ANKS1B: variants seen among roughly 807,000 people sequenced by gnomAD.
The protein encoded by ANKS1B is ankyrin repeat and sterile alpha motif domain containing 1B.
Under a neutral mutation model 148.3 loss-of-function variants are expected in ANKS1B, and 36 were observed. That is an observed-to-expected ratio of 0.24 (90% confidence interval 0.19 to 0.32). The LOEUF is 0.32. ANKS1B is among the 10% of genes least tolerant of loss of function. ANKS1B has a pLI of 1.00. For missense variants in ANKS1B, 1,157 were observed against 1,542.6 expected (o/e 0.75, Z 4.19); for synonymous variants, 542 against 560.8 (o/e 0.97, Z 0.47).
chr12:99,583,487 T>C (rs73383736), intron 9 of ANKS1B, among the ~76,000 whole-genome samples: 1,566 of 152,326 alleles, frequency 0.01, 29 homozygotes, highest in African/African-American at 0.036. Flanking sequence ...TTATACCTAT[T>C]TTTCTTTATA....
chr12:99,432,172 C>A (rs2095386312), intron 11 of ANKS1B, among the ~76,000 whole-genome samples: 1 of 152,162 alleles, frequency 6.6e-6, no homozygotes, highest in South Asian at 2.1e-4. Context: ...TACTTCCCAG[C>A]CTGCAGAAGT....
intron 8 of ANKS1B, among the ~76,000 whole-genome samples, chr12:99,675,902 A>T (rs1172912862): frequency 6.6e-6 from 1 of 152,180 alleles, no homozygotes; most frequent in Non-Finnish European, 1.5e-5. Context: ...AATAAAATGC[A>T]CAGCATGATT....
chr12:98,863,331 C>G (rs983461320), intron 17 of ANKS1B, among the ~76,000 whole-genome samples: 2 of 152,186 alleles, frequency 1.3e-5, no homozygotes, highest in South Asian at 4.1e-4. Context: ...ATGACCTCTG[C>G]TGCTAACAGG....
intron 14 of ANKS1B, among the ~76,000 whole-genome samples, chr12:99,231,871 A>C (rs1266070247): frequency 1.3e-5 from 2 of 152,118 alleles, no homozygotes; most frequent in Non-Finnish European, 2.9e-5. Flanking sequence ...TTTTAGGAGA[A>C]AGGGACATAT....
chr12:99,099,784 CT>C (rs1263186209), intron 15 of ANKS1B: 1 of 152,110 alleles, frequency 6.6e-6, no homozygotes, highest in Non-Finnish European at 1.5e-5. Context: ...TTTAATGTTT[CT>C]TTACACAGAA....
At chr12:99,864,431 T>C (rs535988704) in intron 1 of ANKS1B, among the ~76,000 whole-genome samples, 1 of 152,330 alleles carries the variant, frequency 6.6e-6, no homozygotes, top group African/African-American at 2.4e-5. Context: ...TACTCCATGT[T>C]TGAACCACTG....
At chr12:99,804,717 T>C (rs2067369080) in intron 4 of ANKS1B, among the ~76,000 whole-genome samples, 1 of 152,172 alleles carries the variant, frequency 6.6e-6, no homozygotes, top group African/African-American at 2.4e-5. Context: ...ATTCACGCCC[T>C]CTTCTAATAC....
chr12:99,230,346 T>C (rs1464176883), intron 14 of ANKS1B, among the ~76,000 whole-genome samples: 1 of 152,128 alleles, frequency 6.6e-6, no homozygotes, highest in East Asian at 1.9e-4. Context: ...TAGCAGATGT[T>C]AGTTGATGTT....
intron 17 of ANKS1B, among the ~76,000 whole-genome samples, chr12:98,975,229 T>C (rs1597866412): frequency 3.7e-5 from 4 of 109,072 alleles, no homozygotes; most frequent in Admixed American, 9.3e-5. Context: ...CTCCCTCCCA[T>C]CTCCTTCCTT....
chr12:99,435,258 C>T (rs2095440532), intron 11 of ANKS1B, among the ~76,000 whole-genome samples: 2 of 152,050 alleles, frequency 1.3e-5, no homozygotes, highest in Non-Finnish European at 2.9e-5. Flanking sequence ...CTGACTCCTC[C>T]CATATCCCAA....
chr12:99,257,866 T>C (rs1602140581), intron 12 of ANKS1B, among the ~76,000 whole-genome samples: 3 of 152,114 alleles, frequency 2.0e-5, no homozygotes, highest in Admixed American at 2.0e-4. Context: ...GGGAACAGTG[T>C]CCCAAATAGC....
chr12:98,880,884 C>T (rs1485633956), intron 17 of ANKS1B, among the ~76,000 whole-genome samples: 1 of 152,010 alleles, frequency 6.6e-6, no homozygotes, highest in East Asian at 1.9e-4. Context: ...CCCATAATTA[C>T]TGGAAGGAGA....
At chr12:99,565,781 C>T (rs1314433627) in intron 9 of ANKS1B, among the ~76,000 whole-genome samples, 1 of 152,144 alleles carries the variant, frequency 6.6e-6, no homozygotes, top group Non-Finnish European at 1.5e-5. Context: ...AGTGTTTCTG[C>T]TTCAATAAAT....
chr12:99,110,019 AAATTAGATGTAGGG>A (rs2059986209), intron 15 of ANKS1B, among the ~76,000 whole-genome samples: 7 of 152,188 alleles, frequency 4.6e-5, no homozygotes, highest in African/African-American at 1.7e-4. Flanking sequence ...ACAGAACTTG[AAATTAGATGTAGGG>A]TTTATGACCA....
At chr12:99,655,448 T>C (rs1394924675) in intron 8 of ANKS1B, among the ~76,000 whole-genome samples, 1 of 152,094 alleles carries the variant, frequency 6.6e-6, no homozygotes, top group East Asian at 1.9e-4. Context: ...AAGTTCATAA[T>C]GAAGAATAGA....
intron 8 of ANKS1B, among the ~76,000 whole-genome samples, chr12:99,708,227 A>G (rs777343316): frequency 4.3e-4 from 65 of 152,302 alleles, no homozygotes; most frequent in Admixed American, 7.8e-4. Flanking sequence ...GACAGAATAC[A>G]TCAGTATGGA....
chr12:99,668,853 T>C (rs1044823613), intron 8 of ANKS1B, among the ~76,000 whole-genome samples: 7 of 152,282 alleles, frequency 4.6e-5, no homozygotes, highest in African/African-American at 1.7e-4. Context: ...TGTATTTTAT[T>C]TTGGCTACTT....
intron 16 of ANKS1B, among the ~76,000 whole-genome samples, chr12:99,067,717 G>A (rs2044830720): frequency 6.6e-6 from 1 of 152,120 alleles, no homozygotes; most frequent in Non-Finnish European, 1.5e-5. Context: ...TTGAAGCCCT[G>A]GTTGGAGTTC....
At chr12:99,462,870 T>C (rs1453766422) in intron 10 of ANKS1B, among the ~76,000 whole-genome samples, 1 of 152,168 alleles carries the variant, frequency 6.6e-6, no homozygotes, top group Non-Finnish European at 1.5e-5. Flanking sequence ...CTCTTCTCTC[T>C]TGCTCACTCT....
Sources: gnomAD v4.1 joint callset for allele counts (sites outside exome capture counted in the v4.1 genomes callset) on GRCh38, gnomAD v4.1.1 for gene constraint, MANE v1.5 for transcripts, NCBI Gene and HGNC (gene_info 2026-07-23, HGNC 2026-07-21) for gene names.